PIK3R4: variants seen among roughly 807,000 people sequenced by gnomAD.
PIK3R4 encodes phosphoinositide-3-kinase regulatory subunit 4, also known as phosphoinositide 3-kinase regulatory subunit 4.
PIK3R4 carries 46 observed loss-of-function variants against 136.5 expected under a neutral mutation model. The observed-to-expected ratio is 0.34, with a 90% CI of 0.27 to 0.43. PIK3R4 has a LOEUF of 0.43. PIK3R4 is among the 20% of genes least tolerant of loss of function. The pLI, the probability that PIK3R4 is intolerant of heterozygous loss-of-function variation, is 1.00. For missense variants in PIK3R4, 1,331 were observed against 1,649.5 expected (o/e 0.81, Z 3.35); for synonymous variants, 557 against 566.7 (o/e 0.98, Z 0.24).
chr3:130,734,082 C>T lies in PIK3R4; in HGVS notation c.916G>A (p.Asp306Asn). Reference sequence around the variant, plus strand: ...TTGCCACGCTGCTGTTTTAAGTAATCTTCTGCCTCTAAACGTTTATCTGGC... The same window carrying T: ...TTGCCACGCTGCTGTTTTAAGTAATTTTCTGCCTCTAAACGTTTATCTGGC... ...REPDKRLEAE[D>N]YLKQQRGNAF... Residue 306 changes from aspartate to asparagine, a missense_variant, in exon 4 of 20, where the codon GAT becomes AAT. Asp to Asn is a conservative substitution (Grantham distance 23, BLOSUM62 1). Around this residue, in one of 2 missense-constraint regions of PIK3R4, gnomAD observed 1,180 missense variants for 1,407.0 expected, o/e 0.84. Transcript: ENST00000356763. 1 of 1,614,046 alleles carries T rather than the reference C, an allele frequency of 6.2e-7. No individual in the cohort carries two copies. Among genetic ancestry groups the T allele is most frequent in the Non-Finnish European group, 8.5e-7 (1 of 1,179,920 alleles).
intron 13 of PIK3R4, 100 bp downstream of exon 13, chr3:130,703,623 T>C: frequency 1.2e-6 from 1 of 817,196 alleles, no homozygotes; most frequent in Non-Finnish European, 2.0e-6. Flanking sequence ...ATTGTTGCTG[T>C]ATGCCTGGTA....
At chr3:130,713,337 C>T (rs1334458885) in intron 9 of PIK3R4, among the ~76,000 whole-genome samples, 1 of 152,148 alleles carries the variant, frequency 6.6e-6, no homozygotes, top group Non-Finnish European at 1.5e-5. Context: ...CCTCTTTTTC[C>T]ACTCAGACAA....
At chr3:130,700,524 A>G (rs1046893993) in intron 13 of PIK3R4, among the ~76,000 whole-genome samples, 3 of 152,234 alleles carry the variant, frequency 2.0e-5, no homozygotes, top group African/African-American at 7.2e-5. Flanking sequence ...TTTTTCAAGA[A>G]CTAGTCCCAA....
chr3:130,682,408 AG>A (rs1302079004), intron 16 of PIK3R4, among the ~76,000 whole-genome samples: 1 of 152,182 alleles, frequency 6.6e-6, no homozygotes, highest in Non-Finnish European at 1.5e-5. Context: ...AGGGAATACA[AG>A]TCTGCTGCTA....
At chr3:130,720,952 G>C (rs2066696410) in intron 7 of PIK3R4, among the ~76,000 whole-genome samples, 1 of 152,112 alleles carries the variant, frequency 6.6e-6, no homozygotes, top group Non-Finnish European at 1.5e-5. Flanking sequence ...CCAGAAGATA[G>C]CTTGAGCCAG....
chr3:130,691,821 A>T (rs574853157), intron 13 of PIK3R4, among the ~76,000 whole-genome samples: 102 of 151,160 alleles, frequency 6.7e-4, no homozygotes, highest in South Asian at 1.0e-3. Flanking sequence ...TGTTTTTTTT[A>T]AAAAAATCTG....
intron 8 of PIK3R4, among the ~76,000 whole-genome samples, chr3:130,717,451 G>A (rs2066671796): frequency 6.6e-6 from 1 of 151,894 alleles, no homozygotes; most frequent in Non-Finnish European, 1.5e-5. Context: ...AATTTCCAAG[G>A]AAGCATAAAC....
At chr3:130,694,935 T>A (rs1451308539) in intron 13 of PIK3R4, among the ~76,000 whole-genome samples, 2 of 152,156 alleles carry the variant, frequency 1.3e-5, no homozygotes, top group African/African-American at 4.8e-5. Flanking sequence ...GTAGATGGCC[T>A]TTATTCATTT....
At position 130,745,270 on chromosome 3, in the gene PIK3R4, T is replaced by G; in HGVS notation, c.-46-6A>C. ...GTAAGGTTAGGATATAATACCTGTTTAAAATAAAAACAAATGAAGAAAAAA... is the reference window on the plus strand; with the variant it reads ...GTAAGGTTAGGATATAATACCTGTTGAAAATAAAAACAAATGAAGAAAAAA... On this transcript the variant is annotated splice_polypyrimidine_tract_variant and splice_region_variant and intron_variant, in intron 1 of 19. Transcript: ENST00000356763. The G allele has an allele frequency of 6.7e-7, 1 of 1,487,334 alleles. No homozygotes were observed. The highest frequency in any genetic ancestry group is 8.9e-7 in the Non-Finnish European group (1 of 1,118,190). The allele number at this position is 1,487,334 out of a possible 1,614,324, so 92.1% of individuals were successfully genotyped here. A position where few individuals can be genotyped will look rare whatever the true frequency, so the allele number is the denominator to read the frequency against.
At chr3:130,742,683 CA>C (rs1291391690) in intron 2 of PIK3R4, among the ~76,000 whole-genome samples, 6 of 152,142 alleles carry the variant, frequency 3.9e-5, no homozygotes, top group Admixed American at 1.3e-4. Flanking sequence ...ATTCATTCAT[CA>C]ATTAATTTTC....
At position 130,744,653 on chromosome 3, in the gene PIK3R4, G is replaced by C; in HGVS notation, c.566C>G (p.Thr189Arg). 2 of 1,614,216 alleles carry C rather than the reference G, an allele frequency of 1.2e-6. No individual in the cohort carries two copies. The highest frequency in any genetic ancestry group is 1.7e-6 in the Non-Finnish European group (2 of 1,180,034). ...NPADFNYFFD[T>R]SRRRTCYIAP... ...AATATAGCAAGTTCTCCTCCGTGAT[G>C]TGTCAAAGAAATAATTGAAATCTGC... The change falls in exon 2 of 20, where the codon ACA becomes AGA. Residue 189 changes from threonine to arginine, a missense_variant. Physicochemically the swap from Thr to Arg is moderately conservative, Grantham distance 71. Coordinates refer to ENST00000356763, the MANE Select transcript of PIK3R4 (RefSeq NM_014602.3).
chr3:130,743,938 C>T (rs892148536), intron 2 of PIK3R4, among the ~76,000 whole-genome samples: 2 of 152,188 alleles, frequency 1.3e-5, no homozygotes, highest in African/African-American at 4.8e-5. Context: ...TCTGTATAGG[C>T]AACATCCTCT....
chr3:130,680,529 C>T, intron 19 of PIK3R4, 84 bp downstream of exon 19: 1 of 662,386 alleles, frequency 1.5e-6, no homozygotes, highest in Non-Finnish European at 2.6e-6. Context: ...CTCGCTTGGT[C>T]AAGCCATTTA....
At chr3:130,725,965 G>A (rs2066729036) in intron 6 of PIK3R4, 1 of 152,056 alleles carries the variant, frequency 6.6e-6, no homozygotes, top group East Asian at 1.9e-4. Context: ...ACTTAACGGA[G>A]ATGGGGATGC....
rs1165435912 is a variant in PIK3R4 at position 130,733,995 on chromosome 3, T to G, written c.1003A>C (p.Thr335Pro). The G allele has an allele frequency of 1.2e-6, 2 of 1,614,012 alleles. No individual in the cohort carries two copies. The highest frequency in any genetic ancestry group is 2.7e-5 in the African/African-American group (2 of 74,916). ...QPYMAQFAKE[T>P]FLSADERILV... ...ATACGCTCATCTGCAGAAAGAAACG[T>G]TTCCTTGGCAAACTGGGCCATGTAG... is the stretch of plus-strand genomic sequence containing the variant. Residue 335 changes from threonine to proline, a missense_variant, in exon 4 of 20, where the codon ACG (threonine) becomes CCG (proline). Coordinates refer to ENST00000356763, the MANE Select transcript of PIK3R4 (RefSeq NM_014602.3).
At chr3:130,732,891 AATTATATATATTCAGTGAT>A (rs1160174011) in intron 4 of PIK3R4, among the ~76,000 whole-genome samples, 3 of 151,862 alleles carry the variant, frequency 2.0e-5, no homozygotes, top group South Asian at 2.1e-4. Context: ...TATAGAAATA[AATTATATATATTCAGTGAT>A]ATTATATATA....
At chr3:130,682,625 T>G (rs2066466171) in intron 16 of PIK3R4, among the ~76,000 whole-genome samples, 1 of 152,168 alleles carries the variant, frequency 6.6e-6, no homozygotes, top group Non-Finnish European at 1.5e-5. Flanking sequence ...CAAGGTGGCC[T>G]TCTCTACTCC....
rs548075725 is a variant in PIK3R4, at chr3:130,681,663, C to T, written c.3608-72G>A. The T allele has an allele frequency of 1.6e-3, 1,394 of 881,258 alleles. 3 individuals carry two copies. The highest frequency in any genetic ancestry group is 2.3e-3 in the Non-Finnish European group (1,214 of 539,116). The allele number at this position is 881,258 out of a possible 1,614,324, so 54.6% of individuals were successfully genotyped here. ...GAGAAGATTACAACAAAACAAATTG[C>T]AGTCCTGAGAGAAAGAAAGAAAAAT... On this transcript the variant is annotated intron_variant, in intron 16 of 19. Transcript: ENST00000356763.
In PIK3R4 at chr3:130,705,626, T is replaced by A; in HGVS notation, c.2867A>T (p.Asn956Ile). The A allele has an allele frequency of 6.2e-7, 1 of 1,613,888 alleles. No homozygotes were observed. Among genetic ancestry groups the A allele is most frequent in the South Asian group, 1.1e-5 (1 of 91,082 alleles). The change falls in exon 12 of 20, where the codon AAT becomes ATT. Residue 956 changes from asparagine (N) to isoleucine (I), a missense_variant. Transcript: ENST00000356763. Reference sequence around the variant, plus strand: ...CATCTGCTTAGCTATTCTCTCAGCATTGCACTGCTCCCGCTTTTGCTGGAT... The same window carrying A: ...CATCTGCTTAGCTATTCTCTCAGCAATGCACTGCTCCCGCTTTTGCTGGAT... The part of the protein sequence containing the change: ...QLIQQKREQC[N>I]AERIAKQMME...
Sources: gnomAD v4.1 joint callset for allele counts (sites outside exome capture counted in the v4.1 genomes callset) on GRCh38, gnomAD v4.1.1 for gene constraint, gnomAD v4.1.1 regional missense constraint, MANE v1.5 for transcripts, NCBI Gene and HGNC (gene_info 2026-07-23, HGNC 2026-07-21) for gene names.